Variants in ZEB1 observed in about 807,000 individuals in gnomAD.
ZEB1 encodes zinc finger E-box-binding homeobox 1.
A neutral mutation model predicts 84.9 loss-of-function variants in ZEB1; 21 were observed. The ratio of observed to expected loss-of-function variants is 0.25; its 90% CI spans 0.18 to 0.36. ZEB1 has a LOEUF of 0.36. Ranked by LOEUF, ZEB1 falls within the 10% of genes least tolerant of loss-of-function variation. The pLI is 1.00. For missense variants in ZEB1, 1,104 were observed against 1,330.2 expected (o/e 0.83, Z 2.65); for synonymous variants, 420 against 471.1 (o/e 0.89, Z 1.41).
chr10:31,499,706 A>G (rs1371887959), intron 3 of ZEB1, among the ~76,000 whole-genome samples: 1 of 152,104 alleles, frequency 6.6e-6, no homozygotes, highest in Admixed American at 6.6e-5. Flanking sequence ...TGGAGGTTGC[A>G]GTGAGCCAAG....
At chr10:31,439,028 T>A (rs2058599293) in intron 1 of ZEB1, among the ~76,000 whole-genome samples, 2 of 152,186 alleles carry the variant, frequency 1.3e-5, no homozygotes, top group Non-Finnish European at 2.9e-5. Context: ...AAAATTTTTT[T>A]AAAGTAATAT....
intron 3 of ZEB1, among the ~76,000 whole-genome samples, chr10:31,496,749 G>GT (rs1300497300): frequency 7.3e-5 from 11 of 151,594 alleles, no homozygotes; most frequent in South Asian, 2.1e-4. Flanking sequence ...TTATAGATTT[G>GT]TTTTTTTACT....
chr10:31,473,912 T>G (rs1256113744), intron 2 of ZEB1, among the ~76,000 whole-genome samples: 1 of 151,514 alleles, frequency 6.6e-6, no homozygotes, highest in African/African-American at 2.4e-5. Context: ...GCCGCATATC[T>G]ACAACTATCT....
At chr10:31,325,967 G>GT (rs61269264) in intron 1 of ZEB1, among the ~76,000 whole-genome samples, 16,537 of 124,798 alleles carry the variant, frequency 0.13, 1,200 homozygotes, top group African/African-American at 0.21. Context: ...TTGGTTTTGG[G>GT]TTTTTTTTTT....
chr10:31,320,080 C>T (rs933606265), intron 1 of ZEB1: 3 of 151,612 alleles, frequency 2.0e-5, no homozygotes, highest in Non-Finnish European at 2.9e-5. Context: ...CCCTAAGCGC[C>T]CCTCCTCCCT....
chr10:31,437,492 CA>C (rs2058428019), intron 1 of ZEB1, among the ~76,000 whole-genome samples: 1 of 152,068 alleles, frequency 6.6e-6, no homozygotes, highest in African/African-American at 2.4e-5. Flanking sequence ...AAATAAATTC[CA>C]ATTAAAATTT....
intron 1 of ZEB1, among the ~76,000 whole-genome samples, chr10:31,336,505 A>G (rs2038089849): frequency 6.6e-6 from 1 of 152,176 alleles, no homozygotes; most frequent in Non-Finnish European, 1.5e-5. Context: ...GAGTAAAGAT[A>G]AAAAGGCATA....
intron 2 of ZEB1, among the ~76,000 whole-genome samples, chr10:31,467,154 A>G (rs1333826872): frequency 6.7e-6 from 1 of 149,174 alleles, no homozygotes; most frequent in East Asian, 1.9e-4. Context: ...AAACCCGGGA[A>G]CACCACTTTC....
intron 4 of ZEB1, among the ~76,000 whole-genome samples, chr10:31,506,085 CTTA>C (rs1237964198): frequency 6.6e-6 from 1 of 151,910 alleles, no homozygotes; most frequent in East Asian, 1.9e-4. Context: ...CAAAGTTCCT[CTTA>C]TTATTAAAAT....
chr10:31,435,992 G>T (rs537761558), intron 1 of ZEB1, among the ~76,000 whole-genome samples: 3 of 152,134 alleles, frequency 2.0e-5, no homozygotes, highest in Non-Finnish European at 4.4e-5. Context: ...GTAGGAATTT[G>T]CCCCTAGAGA....
intron 1 of ZEB1, among the ~76,000 whole-genome samples, chr10:31,391,228 AGTTTGT>A (rs1252112219): frequency 1.1e-5 from 1 of 88,176 alleles, no homozygotes. Flanking sequence ...ACCACAGGTA[AGTTTGT>A]GTGTGTGTGT....
chr10:31,475,677 A>G (rs192910276), intron 2 of ZEB1, among the ~76,000 whole-genome samples: 70 of 152,298 alleles, frequency 4.6e-4, no homozygotes, highest in South Asian at 1.2e-3. Context: ...TGAATTTTAT[A>G]TCCTGCCAAA....
intron 1 of ZEB1, among the ~76,000 whole-genome samples, chr10:31,391,724 A>G (rs1346085522): frequency 6.6e-6 from 1 of 152,184 alleles, no homozygotes; most frequent in Non-Finnish European, 1.5e-5. Flanking sequence ...TATTTCTGAA[A>G]CCATAATTTA....
intron 1 of ZEB1, among the ~76,000 whole-genome samples, chr10:31,345,209 T>C (rs2040090941): frequency 6.6e-6 from 1 of 152,082 alleles, no homozygotes; most frequent in African/African-American, 2.4e-5. Flanking sequence ...GTCTTTTCAT[T>C]TATAGTGCTC....
At chr10:31,497,825 G>A (rs140427700) in intron 3 of ZEB1, among the ~76,000 whole-genome samples, 17 of 152,034 alleles carry the variant, frequency 1.1e-4, no homozygotes, top group African/African-American at 3.1e-4. Context: ...CCTTCTGAGC[G>A]TCCCTTTTTT....
At chr10:31,525,314 T>G (rs966592588) in intron 8 of ZEB1, among the ~76,000 whole-genome samples, 1 of 152,228 alleles carries the variant, frequency 6.6e-6, no homozygotes, top group African/African-American at 2.4e-5. Flanking sequence ...ATTTCATTCC[T>G]TCCATCAGTG....
intron 1 of ZEB1, among the ~76,000 whole-genome samples, chr10:31,345,799 T>C (rs145303117): frequency 6.6e-6 from 1 of 152,280 alleles, no homozygotes; most frequent in East Asian, 1.9e-4. Context: ...TAGAAAACTT[T>C]TCTGTGCAGA....
chr10:31,474,759 C>T (rs1006512017), intron 2 of ZEB1, among the ~76,000 whole-genome samples: 3 of 152,208 alleles, frequency 2.0e-5, no homozygotes, highest in South Asian at 4.1e-4. Context: ...GACACATGCA[C>T]ACGTATGTTT....
At chr10:31,348,432 C>T (rs1053467968) in intron 1 of ZEB1, among the ~76,000 whole-genome samples, 1 of 151,894 alleles carries the variant, frequency 6.6e-6, no homozygotes, top group South Asian at 2.1e-4. Flanking sequence ...GGTGTGGTGG[C>T]GGGCTCCTGT....
Sources: gnomAD v4.1 joint callset for allele counts (sites outside exome capture counted in the v4.1 genomes callset) on GRCh38, gnomAD v4.1.1 for gene constraint, MANE v1.5 for transcripts, NCBI Gene and HGNC (gene_info 2026-07-23, HGNC 2026-07-21) for gene names.